The following PINX1 variants were observed in gnomAD, a reference collection of about 807,000 sequenced individuals.
PINX1 encodes PIN2 (TERF1) interacting telomerase inhibitor 1, also known as PIN2/TERF1-interacting telomerase inhibitor 1.
In PINX1, 34 loss-of-function variants were observed where a neutral mutation model predicts 25.4. That is an observed-to-expected ratio of 1.34 (90% confidence interval 1.02 to 1.78). The LOEUF (loss-of-function observed/expected upper bound fraction) is 1.78. PINX1 is among the 40% of genes most tolerant of loss of function. PINX1 has a pLI of 0.00. For missense variants in PINX1, 592 were observed against 404.9 expected (o/e 1.46, Z -3.97); for synonymous variants, 197 against 147.7 (o/e 1.33, Z -2.42).
At chr8:10,772,079 T>C (rs1179625764) in intron 6 of PINX1, among the ~76,000 whole-genome samples, 1 of 152,212 alleles carries the variant, frequency 6.6e-6, no homozygotes, top group Non-Finnish European at 1.5e-5. Context: ...TTTTGTGGGA[T>C]TAGTTGAACA....
At position 10,765,805 on chromosome 8, in the gene PINX1, C is replaced by T; in HGVS notation, c.583G>A (p.Val195Ile). 1 of 1,613,974 alleles carries T rather than the reference C, an allele frequency of 6.2e-7. No individual in the cohort carries two copies. The highest frequency in any genetic ancestry group is 8.5e-7 in the Non-Finnish European group (1 of 1,179,902). ...RMAALKNKPQ[V>I]PVPGSDISET... ...GAAATGTCAGACCCTGGAACTGGAA[C>T]CTGGGGCTTGTTCTTCAGTGCTGCC... is the stretch of plus-strand genomic sequence containing the variant. The change falls in exon 7 of 7, where the codon GTT becomes ATT. Residue 195 changes from valine (V) to isoleucine (I), a missense_variant. Coordinates refer to ENST00000314787, the MANE Select transcript of PINX1 (RefSeq NM_017884.6).
intron 5 of PINX1, among the ~76,000 whole-genome samples, chr8:10,821,550 A>T (rs1233013849): frequency 6.6e-6 from 1 of 152,152 alleles, no homozygotes; most frequent in African/African-American, 2.4e-5. Context: ...CCCAAAAGAA[A>T]ACCTACTTAA....
chr8:10,798,742 A>G (rs1802168488), intron 6 of PINX1, among the ~76,000 whole-genome samples: 1 of 152,196 alleles, frequency 6.6e-6, no homozygotes, highest in Admixed American at 6.5e-5. Context: ...TTTTCAGTCT[A>G]ATGGCCTGGT....
At chr8:10,803,856 G>A (rs1563220061) in intron 6 of PINX1, among the ~76,000 whole-genome samples, 1 of 152,212 alleles carries the variant, frequency 6.6e-6, no homozygotes, top group Admixed American at 6.5e-5. Flanking sequence ...AGTGGATAAT[G>A]TGTCTGGATT....
chr8:10,823,513 G>C (rs1348317841), intron 5 of PINX1, among the ~76,000 whole-genome samples: 1 of 151,204 alleles, frequency 6.6e-6, no homozygotes, highest in East Asian at 1.9e-4. Context: ...GAGACCTTTT[G>C]CATTAAAAAA....
chr8:10,806,277 G>A, intron 6 of PINX1, among the ~76,000 whole-genome samples: 1 of 152,188 alleles, frequency 6.6e-6, no homozygotes, highest in African/African-American at 2.4e-5. Flanking sequence ...CCTTCTTCAG[G>A]CTTGGATCCA....
At chr8:10,791,488 C>G (rs1455340016) in intron 6 of PINX1, among the ~76,000 whole-genome samples, 1 of 152,162 alleles carries the variant, frequency 6.6e-6, no homozygotes, top group African/African-American at 2.4e-5. Context: ...ATCAACCCCT[C>G]GGACCACCAA....
Position 10,765,397 on chromosome 8 carries a change from G to A in PINX1, c.*4C>T, listed in dbSNP as rs779888381. 1 of 1,591,708 alleles carries A rather than the reference G, an allele frequency of 6.3e-7. No individual in the cohort carries two copies. The highest frequency in any genetic ancestry group is 8.5e-7 in the Non-Finnish European group (1 of 1,172,432). ...GTGGTCGGAAGGCCCCGGCTGGGAAGGATTCATTTGGAATCTTTCTTCTTC... is the reference window on the plus strand; with the variant it reads ...GTGGTCGGAAGGCCCCGGCTGGGAAAGATTCATTTGGAATCTTTCTTCTTC... On this transcript the variant is annotated 3_prime_UTR_variant, in exon 7 of 7. Coordinates refer to ENST00000314787, the MANE Select transcript of PINX1 (RefSeq NM_017884.6).
At chr8:10,779,398 C>T (rs1801513748) in intron 6 of PINX1, among the ~76,000 whole-genome samples, 1 of 152,170 alleles carries the variant, frequency 6.6e-6, no homozygotes, top group Admixed American at 6.5e-5. Flanking sequence ...ATGAAACAAA[C>T]TTGATTCTGC....
At chr8:10,808,206 A>G (rs543513733) in intron 6 of PINX1, among the ~76,000 whole-genome samples, 7 of 152,358 alleles carry the variant, frequency 4.6e-5, no homozygotes, top group Admixed American at 3.9e-4. Flanking sequence ...GAGTGGTGTA[A>G]AGGCCCAGAT....
At chr8:10,810,772 G>A (rs184927542) in intron 6 of PINX1, among the ~76,000 whole-genome samples, 2 of 152,284 alleles carry the variant, frequency 1.3e-5, no homozygotes, top group East Asian at 1.9e-4. Flanking sequence ...CACTGCCTTA[G>A]TCATTACTTA....
chr8:10,813,990 T>C (rs1797615607), intron 6 of PINX1, among the ~76,000 whole-genome samples: 2 of 151,918 alleles, frequency 1.3e-5, no homozygotes, highest in South Asian at 2.1e-4. Flanking sequence ...CAACTTCAAA[T>C]TGCAAACCAA....
intron 6 of PINX1, among the ~76,000 whole-genome samples, chr8:10,767,534 A>G (rs539506325): frequency 2.6e-3 from 399 of 152,342 alleles, no homozygotes; most frequent in African/African-American, 8.9e-3. Context: ...CTGGAATTCC[A>G]TAGGGTGATT....
chr8:10,827,656 C>G (rs1271360209), intron 4 of PINX1, among the ~76,000 whole-genome samples: 1 of 151,766 alleles, frequency 6.6e-6, no homozygotes, highest in African/African-American at 2.4e-5. Context: ...CCTGTAATCC[C>G]AGCACTTTGG....
intron 6 of PINX1, among the ~76,000 whole-genome samples, chr8:10,798,762 T>C (rs370610528): frequency 6.6e-6 from 1 of 152,366 alleles, no homozygotes; most frequent in African/African-American, 2.4e-5. Flanking sequence ...TCACTGTTTC[T>C]GAAATTACAT....
chr8:10,784,183 A>G (rs1801677366), intron 6 of PINX1, among the ~76,000 whole-genome samples: 1 of 152,222 alleles, frequency 6.6e-6, no homozygotes, highest in Non-Finnish European at 1.5e-5. Flanking sequence ...TCTCCATAGC[A>G]GGGAGGACAC....
At chr8:10,839,710 G>A (rs974250070) in intron 1 of PINX1, 28 bp downstream of exon 1, 1 of 1,597,780 alleles carries the variant, frequency 6.3e-7, no homozygotes, top group Non-Finnish European at 8.5e-7. Context: ...CAACGCGCCT[G>A]GGTCGGGCCT....
chr8:10,814,892 G>A (rs1307225232), intron 6 of PINX1, among the ~76,000 whole-genome samples: 2 of 152,176 alleles, frequency 1.3e-5, no homozygotes, highest in Admixed American at 1.3e-4. Context: ...GCCAGTGTAT[G>A]CCACAAATGA....
At chr8:10,811,945 G>A (rs1236647431) in intron 6 of PINX1, among the ~76,000 whole-genome samples, 2 of 152,286 alleles carry the variant, frequency 1.3e-5, no homozygotes, top group African/African-American at 4.8e-5. Context: ...CCACTTAGAA[G>A]AGCATGTGGA....
Sources: allele counts gnomAD v4.1 joint callset (sites outside exome capture counted in the v4.1 genomes callset), GRCh38; gene constraint gnomAD v4.1.1; transcripts MANE v1.5; gene names NCBI Gene and HGNC (gene_info 2026-07-23, HGNC 2026-07-21).